GON4L: variants seen among roughly 807,000 people sequenced by gnomAD.
GON4L encodes gon-4 like.
GON4L carries 87 observed loss-of-function variants against 211.8 expected under a neutral mutation model. The observed-to-expected ratio is 0.41, with a 90% CI of 0.35 to 0.49. The LOEUF is 0.49. Among genes scored for constraint, GON4L ranks in the 20% least tolerant of loss-of-function variants. The pLI is 0.15. For synonymous variants in GON4L, 875 were observed against 962.6 expected (o/e 0.91, Z 1.68); for missense variants, 2,155 against 2,659.5 (o/e 0.81, Z 4.17).
intron 18 of GON4L, among the ~76,000 whole-genome samples, chr1:155,772,445 A>C (rs1337057100): frequency 6.6e-6 from 1 of 152,008 alleles, no homozygotes; most frequent in Non-Finnish European, 1.5e-5. Context: ...CAATACACAC[A>C]AAGGGCCATA....
In GON4L at chr1:155,752,017, A is replaced by G; in HGVS notation, c.6416T>C (p.Val2139Ala). The stretch of plus-strand genomic sequence containing the variant: ...GCTGACCTTGCTGTTGTTGGCACAC[A>G]CCGTAGCTTCTGCGGCCTTTGGCTG... ...EQQPKAAEATVCANNSKVSST... is the reference protein window; with the variant it reads ...EQQPKAAEATACANNSKVSST... Residue 2139 changes from valine to alanine, a missense_variant, in exon 30 of 32, where the codon GTG becomes GCG. Coordinates refer to ENST00000368331, the MANE Select transcript of GON4L (RefSeq NM_001282860.2). The G allele has an allele frequency of 8.7e-6, 14 of 1,613,448 alleles. No homozygotes were observed. Among genetic ancestry groups the G allele is most frequent in the Non-Finnish European group, 1.0e-5 (12 of 1,179,556 alleles).
In GON4L at chr1:155,772,152, T is replaced by TA. The variant is rs112192944; in HGVS notation, c.2495+913dup. ...TGGGTGACAAAAGTGAAACTCTGTT[T>TA]AAAAAAAAAAAATCAAATACTTCAC... On this transcript the variant is annotated intron_variant, in intron 18 of 31. Coordinates refer to ENST00000368331, the MANE Select transcript of GON4L (RefSeq NM_001282860.2). 7.5e-4 allele frequency among the ~76,000 whole-genome samples: 109 copies of TA among 145,382 alleles called. 2 individuals carry two copies. The highest frequency in any genetic ancestry group is 3.5e-3 in the Middle Eastern group (1 of 284).
chr1:155,828,218 G>A (rs986463191), intron 2 of GON4L, among the ~76,000 whole-genome samples: 4 of 152,068 alleles, frequency 2.6e-5, no homozygotes, highest in African/African-American at 9.7e-5. Context: ...GCTGGGCGCA[G>A]TGGCTCACAT....
chr1:155,824,434 CAAAAAAAA>C (rs769823401), intron 3 of GON4L, among the ~76,000 whole-genome samples: 2 of 7,418 alleles, frequency 2.7e-4, no homozygotes, highest in Non-Finnish European at 5.2e-4. Context: ...AACTCCACAT[CAAAAAAAA>C]AAAAAAAAAA....
chr1:155,748,339 T>C (rs1423877685), downstream of GON4L: 87 of 1,502,118 alleles, frequency 5.8e-5, no homozygotes, highest in Non-Finnish European at 7.8e-5. Context: ...GTTAACATTC[T>C]GCCTCCACAC....
At chr1:155,791,883 A>AT in intron 12 of GON4L, among the ~76,000 whole-genome samples, 1 of 87,510 alleles carries the variant, frequency 1.1e-5, no homozygotes, top group East Asian at 2.8e-4. Flanking sequence ...ATAACATAAC[A>AT]TAACATAACA....
chr1:155,750,446 C>T lies in GON4L; in HGVS notation c.*138G>A. 1.6e-6 allele frequency: 1 copy of T among 628,370 alleles called. No individual in the cohort carries two copies. Among genetic ancestry groups the T allele is most frequent in the Non-Finnish European group, 2.9e-6 (1 of 343,976 alleles). 38.9% of individuals were successfully genotyped at this position (628,370 alleles called of 1,614,324 possible). ...CCCTGGGTCCTACTCCATCCTCCAG[C>T]CTTTGTCCTTGTCCTGGCCTCCTGC... On this transcript the variant is annotated 3_prime_UTR_variant, in exon 32 of 32. Coordinates refer to ENST00000368331, the MANE Select transcript of GON4L (RefSeq NM_001282860.2).
intron 24 of GON4L, 87 bp downstream of exon 24, chr1:155,760,357 A>C: frequency 1.3e-6 from 1 of 789,218 alleles, no homozygotes; most frequent in Non-Finnish European, 2.1e-6. Flanking sequence ...GAGCTGGGAG[A>C]CTGAAAGAGT....
chr1:155,771,367 T>C, intron 18 of GON4L, 150 bp from the exon 19 acceptor site: 1 of 997,288 alleles, frequency 1.0e-6, no homozygotes, highest in Non-Finnish European at 1.5e-6. Flanking sequence ...AGTGGCACCA[T>C]CGCAGCTCAC....
chr1:155,755,408 G>C (rs1019939411), intron 27 of GON4L, among the ~76,000 whole-genome samples: 1 of 151,872 alleles, frequency 6.6e-6, no homozygotes. Flanking sequence ...ATAGGAATTC[G>C]CAATGTTACT....
chr1:155,834,854 A>C (rs986930133), intron 2 of GON4L, among the ~76,000 whole-genome samples: 2 of 146,720 alleles, frequency 1.4e-5, no homozygotes, highest in Non-Finnish European at 1.5e-5. Flanking sequence ...CCCTACTGGG[A>C]AGTGAGGAGC....
intron 2 of GON4L, among the ~76,000 whole-genome samples, chr1:155,830,817 G>A (rs564454259): frequency 2.6e-4 from 40 of 151,920 alleles, no homozygotes; most frequent in Non-Finnish European, 5.3e-4. Flanking sequence ...TGAACTCCTG[G>A]CCTTAAGCAA....
At position 155,763,741 on chromosome 1, in the gene GON4L, G is replaced by A. The variant is rs574748833; in HGVS notation, c.4474-177C>T. On this transcript the variant is annotated intron_variant, in intron 21 of 31. Transcript: ENST00000368331. ...CAATGGGCCAGGTACAGTGGCTCAC[G>A]CCTGTAATCCTGACACTTTGGGAGG... is the stretch of plus-strand genomic sequence containing the variant. Among the ~76,000 whole-genome samples the A allele has an allele frequency of 7.9e-5, 12 of 152,240 alleles. No homozygotes were observed. In the East Asian group the frequency reaches 1.5e-3, roughly 20 times the overall value.
At position 155,766,720 on chromosome 1, in the gene GON4L, C is replaced by G. The variant is rs139004440; in HGVS notation, c.2764-11G>C. ...GGATGGCAGACTGGCCTATTGGAAACAAGAACACTCTGATCCAGCATATGT... is the reference window on the plus strand; with the variant it reads ...GGATGGCAGACTGGCCTATTGGAAAGAAGAACACTCTGATCCAGCATATGT... On this transcript the variant is annotated splice_polypyrimidine_tract_variant and intron_variant, in intron 20 of 31. Transcript: ENST00000368331. 8.0e-4 allele frequency: 1,292 copies of G among 1,613,970 alleles called. 11 individuals carry two copies. The African/African-American group carries it at 0.015, about 19-fold the overall frequency.
At chr1:155,814,639 G>A (rs1212011368) in intron 8 of GON4L, among the ~76,000 whole-genome samples, 190 bp from the exon 9 acceptor site, 1 of 151,684 alleles carries the variant, frequency 6.6e-6, no homozygotes, top group Non-Finnish European at 1.5e-5. Context: ...CCAGCTACTC[G>A]GGAGGCTGAG....
chr1:155,787,884 C>G (rs966494019), intron 12 of GON4L, among the ~76,000 whole-genome samples: 2 of 152,140 alleles, frequency 1.3e-5, no homozygotes, highest in Non-Finnish European at 2.9e-5. Context: ...GCAGAGGCTA[C>G]GCTGACCAGA....
rs1662248329 is a variant in GON4L at position 155,764,716 on chromosome 1, G to A, written c.4473+284C>T. 10 of 904,964 alleles carry A rather than the reference G, an allele frequency of 1.1e-5. No individual in the cohort carries two copies. The East Asian group carries it at 2.7e-4, about 24-fold the overall frequency. The allele number at this position is 904,964 out of a possible 1,614,324, so 56.1% of individuals were successfully genotyped here. A position where few individuals can be genotyped will look rare whatever the true frequency, so the allele number is the denominator to read the frequency against. On this transcript the variant is annotated intron_variant, in intron 21 of 31. Transcript: ENST00000368331. ...AGCCTCCCAAAGTGCTGGGACTACA[G>A]GAGTGAGCCACCAAGCCCAGCCTAT...
intron 11 of GON4L, 82 bp downstream of exon 11, chr1:155,804,867 C>T: frequency 1.1e-6 from 1 of 919,424 alleles, no homozygotes; most frequent in Non-Finnish European, 1.8e-6. Context: ...CCAAACCATT[C>T]CATTCTATAC....
chr1:155,847,234 GTT>G (rs922402783), intron 2 of GON4L, among the ~76,000 whole-genome samples: 16 of 152,158 alleles, frequency 1.1e-4, no homozygotes, highest in African/African-American at 3.1e-4. Context: ...TCCATAAATT[GTT>G]TACCTTGAAA....
Sources: allele counts gnomAD v4.1 joint callset (sites outside exome capture counted in the v4.1 genomes callset), GRCh38; gene constraint gnomAD v4.1.1; transcripts MANE v1.5; gene names NCBI Gene and HGNC (gene_info 2026-07-23, HGNC 2026-07-21).